RASGRP1: variants seen among roughly 807,000 people sequenced by gnomAD.
RASGRP1 encodes RAS guanyl-releasing protein 1.
Under a neutral mutation model 95.1 loss-of-function variants are expected in RASGRP1, and 37 were observed. That is an observed-to-expected ratio of 0.39 (90% CI 0.30 to 0.51). The LOEUF (loss-of-function observed/expected upper bound fraction) is 0.51. Ranked by LOEUF, RASGRP1 falls within the 20% of genes least tolerant of loss-of-function variation. The pLI is 0.80. For synonymous variants in RASGRP1, 325 were observed against 353.4 expected, an observed-to-expected ratio of 0.92 and a Z score of 0.90; for missense variants, 711 against 965.4, an observed-to-expected ratio of 0.74 and a Z score of 3.49.
intron 14 of RASGRP1, 144 bp from the exon 15 acceptor site, chr15:38,499,090 A>C: frequency 2.7e-6 from 3 of 1,126,716 alleles, no homozygotes; most frequent in Non-Finnish European, 4.0e-6. Flanking sequence ...TTCCTAATGA[A>C]GCTAGCATTC....
chr15:38,564,452 T>G, intron 1 of RASGRP1, 142 bp downstream of exon 1: 11 of 445,016 alleles, frequency 2.5e-5, no homozygotes, highest in Admixed American at 6.3e-5. Flanking sequence ...CGTCCGCCCG[T>G]CGCGCTGGTG....
rs188705924 is a variant in RASGRP1 at position 38,489,207 on chromosome 15, G to A, written c.*1347C>T. ...GTCAGTCTGGTACCAGACTTTATAGGCATGGAAGCTAAGTACCCCCAAAAA... is the reference window on the plus strand; with the variant it reads ...GTCAGTCTGGTACCAGACTTTATAGACATGGAAGCTAAGTACCCCCAAAAA... On this transcript the variant is annotated 3_prime_UTR_variant, in exon 17 of 17. Coordinates refer to ENST00000310803, the MANE Select transcript of RASGRP1 (RefSeq NM_005739.4). 5 of 151,610 alleles carry A rather than the reference G, an allele frequency of 3.3e-5. No individual in the cohort carries two copies. The East Asian group carries it at 9.7e-4, about 29-fold the overall frequency. The allele number at this position is 151,610 out of a possible 1,614,324, so 9.4% of individuals were successfully genotyped here.
At chr15:38,502,442 T>G in intron 11 of RASGRP1, 21 bp from the exon 12 acceptor site, 1 of 1,463,766 alleles carries the variant, frequency 6.8e-7, no homozygotes, top group Non-Finnish European at 9.5e-7. Context: ...GGAGTTTTTT[T>G]GGTGATTACT....
At chr15:38,562,163 T>C (rs1236307864) in intron 1 of RASGRP1, among the ~76,000 whole-genome samples, 2 of 152,244 alleles carry the variant, frequency 1.3e-5, no homozygotes, top group African/African-American at 4.8e-5. Context: ...GGATTAGTAG[T>C]AGACAATCAC....
At chr15:38,562,612 C>T (rs1251091492) in intron 1 of RASGRP1, among the ~76,000 whole-genome samples, 1 of 152,204 alleles carries the variant, frequency 6.6e-6, no homozygotes, top group Non-Finnish European at 1.5e-5. Context: ...TAAAGTCATT[C>T]ATTGTAGAAG....
rs1381712421 is a variant in RASGRP1 at position 38,503,353 on chromosome 15, T to C, written c.1347A>G (p.Pro449=). 1 of 1,611,378 alleles carries C rather than the reference T, an allele frequency of 6.2e-7. No homozygotes were observed. The highest frequency in any genetic ancestry group is 8.5e-7 in the Non-Finnish European group (1 of 1,178,696). Residue 449 remains proline (P), a synonymous_variant, in exon 11 of 17, where the codon CCA becomes CCG. Transcript: ENST00000310803. Reference sequence around the variant, plus strand: ...CTCCAGAAGCCCAGTCCACTACTACTGGTGGCTTTGAAGGTGTTAGTGGCT... The same window carrying C: ...CTCCAGAAGCCCAGTCCACTACTACCGGTGGCTTTGAAGGTGTTAGTGGCT... ...RAPPLTPSKP[P]VVVDWASGVS...
At chr15:38,557,629 G>GTGTGTATATA (rs745934661) in intron 2 of RASGRP1, among the ~76,000 whole-genome samples, 1 of 147,370 alleles carries the variant, frequency 6.8e-6, no homozygotes, top group African/African-American at 2.5e-5. Context: ...GTGTGTGTGT[G>GTGTGTATATA]TATATATATA....
chr15:38,507,554 T>C (rs896845148), intron 9 of RASGRP1, among the ~76,000 whole-genome samples, 172 bp downstream of exon 9: 6 of 152,170 alleles, frequency 3.9e-5, no homozygotes, highest in African/African-American at 1.4e-4. Context: ...TGTGGTCTCC[T>C]GGCAAGGTAT....
At chr15:38,556,273 G>A (rs1202074782) in intron 2 of RASGRP1, among the ~76,000 whole-genome samples, 1 of 152,230 alleles carries the variant, frequency 6.6e-6, no homozygotes, top group African/African-American at 2.4e-5. Flanking sequence ...AAGGCCGTAA[G>A]TTTCTAGTCA....
At chr15:38,496,939 G>T (rs1890815193) in intron 15 of RASGRP1, among the ~76,000 whole-genome samples, 1 of 152,200 alleles carries the variant, frequency 6.6e-6, no homozygotes, top group South Asian at 2.1e-4. Flanking sequence ...GGCATCTGTT[G>T]TAACGATAGT....
chr15:38,503,007 T>C, intron 11 of RASGRP1: 2 of 516,560 alleles, frequency 3.9e-6, no homozygotes, highest in Non-Finnish European at 6.9e-6. Context: ...CCAATACTTC[T>C]GTACTCCTAA....
chr15:38,564,104 C>T (rs1222939458), intron 1 of RASGRP1, among the ~76,000 whole-genome samples: 6 of 152,238 alleles, frequency 3.9e-5, no homozygotes, highest in Non-Finnish European at 7.3e-5. Context: ...CTGGAAACTT[C>T]CGTGGGGCAG....
chr15:38,549,359 A>C lies in RASGRP1; in HGVS notation c.220+10462T>G, dbSNP rs1893238270. ...AGGATGTTCCATAGTCTATAACTAC[A>C]TTCCAGCAAGATAGACTCATAGATG... On this transcript the variant is annotated intron_variant, in intron 2 of 16. Transcript: ENST00000310803. Among the ~76,000 whole-genome samples, 3 of 152,220 alleles carry C rather than the reference A, an allele frequency of 2.0e-5. No individual in the cohort carries two copies. The South Asian group carries it at 6.2e-4, about 32-fold the overall frequency.
intron 2 of RASGRP1, among the ~76,000 whole-genome samples, chr15:38,550,355 G>A (rs962122367): frequency 3.3e-5 from 5 of 151,634 alleles, no homozygotes; most frequent in African/African-American, 9.7e-5. Context: ...CACTTTCACT[G>A]TAATACAAAA....
intron 3 of RASGRP1, among the ~76,000 whole-genome samples, chr15:38,524,940 G>C (rs1347582697): frequency 6.6e-6 from 1 of 151,050 alleles, no homozygotes; most frequent in African/African-American, 2.4e-5. Flanking sequence ...AGTGCACTAA[G>C]GGCAGGAACC....
chr15:38,549,053 G>A (rs1406963785), intron 2 of RASGRP1, among the ~76,000 whole-genome samples: 3 of 152,164 alleles, frequency 2.0e-5, no homozygotes, highest in Admixed American at 1.3e-4. Context: ...GGCAATAAAC[G>A]AAGACTGAGT....
intron 8 of RASGRP1, among the ~76,000 whole-genome samples, chr15:38,510,554 T>C (rs12595767): frequency 0.63 from 96,594 of 152,130 alleles, 30,843 homozygotes; most frequent in South Asian, 0.78. Context: ...TTGGAAGGAT[T>C]GGGGCTTGAG....
chr15:38,493,250 T>G (rs1187396542), intron 16 of RASGRP1, among the ~76,000 whole-genome samples: 1 of 140,604 alleles, frequency 7.1e-6, no homozygotes, highest in African/African-American at 2.7e-5. Context: ...TGGTCTCAGC[T>G]CACTGCAACC....
At chr15:38,526,196 A>G in intron 3 of RASGRP1, 103 bp downstream of exon 3, 2 of 895,438 alleles carry the variant, frequency 2.2e-6, no homozygotes, top group South Asian at 2.8e-5. Context: ...TTTGCCACTC[A>G]GGGTTATTCC....
Sources: allele counts gnomAD v4.1 joint callset (sites outside exome capture counted in the v4.1 genomes callset), GRCh38; gene constraint gnomAD v4.1.1; transcripts MANE v1.5; gene names NCBI Gene and HGNC (gene_info 2026-07-23, HGNC 2026-07-21).